Variants in GALNT17 observed in about 807,000 individuals in gnomAD.
GALNT17 encodes UDP-GalNAc:polypeptide N-acetylgalactosaminyltransferase-like 3.
GALNT17 carries 29 observed loss-of-function variants against 63.7 expected under a neutral mutation model. That is an observed-to-expected ratio of 0.46 (90% CI 0.34 to 0.62). The LOEUF is 0.62. GALNT17 is among the 20% of genes least tolerant of loss of function. GALNT17 has a pLI of 0.01. For synonymous variants in GALNT17, 305 were observed against 318.3 expected, an observed-to-expected ratio of 0.96 and a Z score of 0.45; for missense variants, 603 against 799.6, an observed-to-expected ratio of 0.75 and a Z score of 2.97.
intron 6 of GALNT17, among the ~76,000 whole-genome samples, chr7:71,614,716 AAAAG>A (rs1266112116): frequency 6.6e-6 from 1 of 151,562 alleles, no homozygotes; most frequent in Non-Finnish European, 1.5e-5. Context: ...AGAAAGGAAA[AAAAG>A]AAACAGAAAG....
chr7:71,616,493 A>C (rs1368341103), intron 6 of GALNT17, among the ~76,000 whole-genome samples: 1 of 147,522 alleles, frequency 6.8e-6, no homozygotes, highest in African/African-American at 2.5e-5. Context: ...TATAACTAAT[A>C]ACTAATATAT....
intron 1 of GALNT17, among the ~76,000 whole-genome samples, chr7:71,234,370 T>C (rs562570859): frequency 6.6e-6 from 1 of 152,282 alleles, no homozygotes; most frequent in Non-Finnish European, 1.5e-5. Flanking sequence ...CAAGCTATTC[T>C]TGTGGCTCAG....
intron 6 of GALNT17, among the ~76,000 whole-genome samples, chr7:71,654,668 G>A (rs1790800900): frequency 2.3e-5 from 3 of 132,000 alleles, no homozygotes; most frequent in South Asian, 3.0e-4. Flanking sequence ...TCACTGTTAC[G>A]TTAAGAGACA....
chr7:71,355,965 A>G (rs536919840), intron 2 of GALNT17, among the ~76,000 whole-genome samples: 3 of 152,082 alleles, frequency 2.0e-5, no homozygotes, highest in Non-Finnish European at 2.9e-5. Context: ...GTTACTTTGT[A>G]TATACGGAGT....
rs1231223140 is a variant in GALNT17 at position 71,592,528 on chromosome 7, A to G, written c.1080+21126A>G. Among the ~76,000 whole-genome samples, 16 of 82,008 alleles carry G rather than the reference A, an allele frequency of 2.0e-4. 1 individual carries two copies. The highest frequency in any genetic ancestry group is 7.8e-4 in the African/African-American group (14 of 17,930). 53.8% of individuals were successfully genotyped at this position (82,008 alleles called of 152,430 possible). On this transcript the variant is annotated intron_variant, in intron 6 of 10. Coordinates refer to ENST00000333538, the MANE Select transcript of GALNT17 (RefSeq NM_022479.3). Reference sequence around the variant, plus strand: ...AAATAAAATAAAATAAAATAAAATAAAATAAAATAAAATAAAATAGCATAG... The same window carrying G: ...AAATAAAATAAAATAAAATAAAATAGAATAAAATAAAATAAAATAGCATAG...
At chr7:71,379,992 A>G (rs1001043466) in intron 2 of GALNT17, among the ~76,000 whole-genome samples, 7 of 152,190 alleles carry the variant, frequency 4.6e-5, no homozygotes, top group African/African-American at 1.7e-4. Context: ...CAGAGGAGAA[A>G]AAGCCCAGAT....
intron 5 of GALNT17, among the ~76,000 whole-genome samples, chr7:71,456,789 C>T (rs571499392): frequency 3.9e-5 from 6 of 152,290 alleles, no homozygotes; most frequent in Middle Eastern, 3.4e-3. Context: ...TCAGGACACA[C>T]CTGTGACACA....
intron 6 of GALNT17, among the ~76,000 whole-genome samples, chr7:71,660,090 A>G (rs1344150564): frequency 6.6e-6 from 1 of 152,150 alleles, no homozygotes; most frequent in Non-Finnish European, 1.5e-5. Flanking sequence ...CTTGTCTACT[A>G]GCACCTCTCA....
intron 6 of GALNT17, among the ~76,000 whole-genome samples, chr7:71,643,963 C>T (rs1393281219): frequency 2.6e-5 from 4 of 152,102 alleles, no homozygotes; most frequent in Non-Finnish European, 4.4e-5. Flanking sequence ...TCTCCAGGTG[C>T]GATATCCAGC....
At chr7:71,431,457 T>A (rs984627177) in intron 5 of GALNT17, among the ~76,000 whole-genome samples, 2 of 151,960 alleles carry the variant, frequency 1.3e-5, no homozygotes, top group African/African-American at 4.8e-5. Context: ...TGATACACCC[T>A]CCTCAGCCTC....
At chr7:71,506,417 C>T (rs1023533668) in intron 5 of GALNT17, among the ~76,000 whole-genome samples, 5 of 152,142 alleles carry the variant, frequency 3.3e-5, no homozygotes, top group African/African-American at 9.6e-5. Context: ...CAGGCACCTG[C>T]CCCCACGCCA....
chr7:71,207,678 A>G (rs1173602851), intron 1 of GALNT17, among the ~76,000 whole-genome samples: 1 of 152,008 alleles, frequency 6.6e-6, no homozygotes, highest in Non-Finnish European at 1.5e-5. Context: ...TCGCACCTGG[A>G]ATTTGGGAGG....
intron 1 of GALNT17, among the ~76,000 whole-genome samples, chr7:71,327,263 A>T (rs1192469719): frequency 6.6e-6 from 1 of 152,178 alleles, no homozygotes; most frequent in Non-Finnish European, 1.5e-5. Context: ...AAAGAAAAAG[A>T]GGTATAATGG....
At chr7:71,580,199 T>C (rs1335614235) in intron 6 of GALNT17, among the ~76,000 whole-genome samples, 5 of 119,052 alleles carry the variant, frequency 4.2e-5, no homozygotes, top group Non-Finnish European at 7.9e-5. Flanking sequence ...ATGGATTCGA[T>C]AGATGATTGA....
chr7:71,145,188 C>T lies in GALNT17; in HGVS notation c.238+12148C>T, dbSNP rs183404666. Among the ~76,000 whole-genome samples the T allele has an allele frequency of 1.8e-3, 270 of 152,298 alleles. 1 individual carries two copies. Among genetic ancestry groups the T allele is most frequent in the African/African-American group, 6.1e-3 (253 of 41,568 alleles). On this transcript the variant is annotated intron_variant, in intron 1 of 10. Coordinates refer to ENST00000333538, the MANE Select transcript of GALNT17 (RefSeq NM_022479.3). ...TCAGGCCAGCCGATGTCAGCAGTTTCGCTGGTGTGCAGGACCTGAAAGAGT... is the reference window on the plus strand; with the variant it reads ...TCAGGCCAGCCGATGTCAGCAGTTTTGCTGGTGTGCAGGACCTGAAAGAGT...
chr7:71,417,511 C>A (rs765665109), intron 4 of GALNT17, among the ~76,000 whole-genome samples: 1 of 152,100 alleles, frequency 6.6e-6, no homozygotes, highest in Admixed American at 6.5e-5. Flanking sequence ...AGTGTGGCGC[C>A]CCAGACCCAC....
chr7:71,484,461 C>A (rs1445562896), intron 5 of GALNT17, among the ~76,000 whole-genome samples: 3 of 152,126 alleles, frequency 2.0e-5, no homozygotes, highest in African/African-American at 7.2e-5. Context: ...GCACTCCAGT[C>A]TGGGTGACAG....
chr7:71,598,085 A>T (rs148725791), intron 6 of GALNT17, among the ~76,000 whole-genome samples: 1 of 151,996 alleles, frequency 6.6e-6, no homozygotes, highest in South Asian at 2.1e-4. Context: ...CTGGGACTAC[A>T]GGCGCACGCC....
intron 1 of GALNT17, among the ~76,000 whole-genome samples, chr7:71,317,363 C>T (rs951510926): frequency 3.3e-5 from 5 of 152,146 alleles, no homozygotes; most frequent in African/African-American, 1.2e-4. Context: ...GAATTAGGAC[C>T]AATATCTAGA....
Sources: gnomAD v4.1 joint callset for allele counts (sites outside exome capture counted in the v4.1 genomes callset) on GRCh38, gnomAD v4.1.1 for gene constraint, MANE v1.5 for transcripts, NCBI Gene and HGNC (gene_info 2026-07-23, HGNC 2026-07-21) for gene names.